Variants in PTPRR observed in about 807,000 individuals in gnomAD.
PTPRR encodes receptor-type tyrosine-protein phosphatase R.
A neutral mutation model predicts 77.2 loss-of-function variants in PTPRR; 38 were observed. The ratio of observed to expected loss-of-function variants is 0.49; its 90% CI spans 0.38 to 0.65. The LOEUF (loss-of-function observed/expected upper bound fraction) is 0.65, where lower values mean the gene tolerates loss of function less well. PTPRR is among the 30% of genes least tolerant of loss of function. The pLI is 0.00. For synonymous variants in PTPRR, 299 were observed against 283.1 expected (o/e 1.06, Z -0.57); for missense variants, 744 against 799.2 (o/e 0.93, Z 0.83).
At chr12:70,909,315 C>G (rs1049928129) in intron 1 of PTPRR, among the ~76,000 whole-genome samples, 1 of 152,194 alleles carries the variant, frequency 6.6e-6, no homozygotes, top group Non-Finnish European at 1.5e-5. Flanking sequence ...CCCCACCACA[C>G]ACACATCAAA....
chr12:70,705,381 A>C (rs889505939), intron 6 of PTPRR, among the ~76,000 whole-genome samples: 44 of 152,192 alleles, frequency 2.9e-4, no homozygotes, highest in African/African-American at 8.9e-4. Context: ...GAAAGGGCTA[A>C]AATTTCTAGT....
chr12:70,698,454 T>A, intron 7 of PTPRR, 105 bp from the exon 8 acceptor site: 1 of 885,256 alleles, frequency 1.1e-6, no homozygotes, highest in Non-Finnish European at 1.8e-6. Context: ...CAAAGCCACT[T>A]AAAAACAACA....
chr12:70,882,441 C>T (rs1893165198), intron 2 of PTPRR, among the ~76,000 whole-genome samples: 1 of 152,124 alleles, frequency 6.6e-6, no homozygotes, highest in Admixed American at 6.6e-5. Flanking sequence ...ACTAAAACAT[C>T]ACCAGGAGAC....
intron 6 of PTPRR, among the ~76,000 whole-genome samples, chr12:70,713,020 C>T (rs1888887754): frequency 6.6e-6 from 1 of 152,120 alleles, no homozygotes; most frequent in South Asian, 2.1e-4. Context: ...AAAAAATTCT[C>T]CCTGCTCACT....
intron 13 of PTPRR, among the ~76,000 whole-genome samples, chr12:70,643,134 T>G (rs569264019): frequency 9.9e-5 from 15 of 152,162 alleles, no homozygotes; most frequent in Non-Finnish European, 2.1e-4. Context: ...CAACAGAGTC[T>G]TCTTTCTTCT....
intron 2 of PTPRR, among the ~76,000 whole-genome samples, chr12:70,826,514 C>T (rs577417050): frequency 1.3e-5 from 2 of 152,220 alleles, no homozygotes; most frequent in South Asian, 2.1e-4. Flanking sequence ...CATATAGAAC[C>T]AAGAATCCAG....
chr12:70,655,640 C>T (rs1382899667), intron 13 of PTPRR, among the ~76,000 whole-genome samples: 3 of 152,180 alleles, frequency 2.0e-5, no homozygotes, highest in African/African-American at 7.2e-5. Flanking sequence ...AAGCCAGCCA[C>T]AAACAGACAA....
chr12:70,670,431 C>T (rs1421151459), intron 10 of PTPRR, among the ~76,000 whole-genome samples: 1 of 152,194 alleles, frequency 6.6e-6, no homozygotes, highest in East Asian at 1.9e-4. Flanking sequence ...CTCATTCTCT[C>T]TGAGCTTTGG....
intron 4 of PTPRR, 23 bp downstream of exon 4, chr12:70,761,448 A>T (rs760046623): frequency 1.3e-6 from 2 of 1,540,234 alleles, no homozygotes; most frequent in South Asian, 2.5e-5. Flanking sequence ...TTTTTAAATG[A>T]ATTGTTTCGT....
intron 12 of PTPRR, 64 bp downstream of exon 12, chr12:70,660,876 C>A (rs2136672823): frequency 1.4e-6 from 2 of 1,479,598 alleles, no homozygotes; most frequent in African/African-American, 2.8e-5. Flanking sequence ...CCCACTTGCA[C>A]CTGCTCTGTG....
At chr12:70,711,739 T>A (rs1888836324) in intron 6 of PTPRR, among the ~76,000 whole-genome samples, 1 of 152,146 alleles carries the variant, frequency 6.6e-6, no homozygotes, top group Non-Finnish European at 1.5e-5. Flanking sequence ...CCAAGGATTA[T>A]GTATTTTTAA....
In PTPRR at chr12:70,761,583, C is replaced by T. The variant is rs745910524; in HGVS notation, c.515G>A (p.Arg172Gln). The T allele has an allele frequency of 1.4e-5, 23 of 1,611,518 alleles. No homozygotes were observed. The highest frequency in any genetic ancestry group is 8.9e-5 in the East Asian group (4 of 44,754). The change falls in exon 4 of 14, where the codon CGA (arginine) becomes CAA (glutamine). Residue 172 changes from arginine (R) to glutamine (Q), a missense_variant. This residue lies in a region of PTPRR where 570 missense variants were observed against 573.2 expected (regional missense o/e 0.99). Coordinates refer to ENST00000283228, the MANE Select transcript of PTPRR (RefSeq NM_002849.4). ...CAGAGCATCAGAAATTCCTGTTTTTCGGTTTATGGGAGACACAAACAGTTC... is the reference window on the plus strand; with the variant it reads ...CAGAGCATCAGAAATTCCTGTTTTTTGGTTTATGGGAGACACAAACAGTTC... ...SIELFVSPINRKTGISDALPS... is the reference protein window; with the variant it reads ...SIELFVSPINQKTGISDALPS...
chr12:70,832,274 C>T (rs987333770), intron 2 of PTPRR, among the ~76,000 whole-genome samples: 49 of 152,190 alleles, frequency 3.2e-4, no homozygotes, highest in African/African-American at 1.1e-3. Flanking sequence ...GGGCCTGCTG[C>T]CCCAAAGCTC....
intron 2 of PTPRR, among the ~76,000 whole-genome samples, chr12:70,878,759 C>G (rs1309932585): frequency 6.6e-6 from 1 of 152,116 alleles, no homozygotes; most frequent in Non-Finnish European, 1.5e-5. Flanking sequence ...GGGTATATAC[C>G]CAAAGGATTA....
At chr12:70,866,605 A>G (rs923420323) in intron 2 of PTPRR, among the ~76,000 whole-genome samples, 21 of 152,340 alleles carry the variant, frequency 1.4e-4, no homozygotes, top group Non-Finnish European at 2.5e-4. Context: ...CCAAAGGTAC[A>G]AGGAGGAACT....
intron 2 of PTPRR, among the ~76,000 whole-genome samples, chr12:70,786,678 T>A (rs370293603): frequency 1.3e-5 from 2 of 152,208 alleles, no homozygotes; most frequent in African/African-American, 4.8e-5. Flanking sequence ...TTTCCTTTCA[T>A]TTTTATTCCC....
intron 6 of PTPRR, among the ~76,000 whole-genome samples, 181 bp from the exon 7 acceptor site, chr12:70,701,504 T>C (rs921444799): frequency 9.2e-5 from 14 of 152,146 alleles, no homozygotes; most frequent in Non-Finnish European, 1.9e-4. Flanking sequence ...CACAGGAAAA[T>C]AACAATTTTG....
chr12:70,841,160 G>T (rs1048635363), intron 2 of PTPRR, among the ~76,000 whole-genome samples: 2 of 151,506 alleles, frequency 1.3e-5, no homozygotes. Flanking sequence ...ACTATTAGAG[G>T]CATTAGAATC....
intron 10 of PTPRR, among the ~76,000 whole-genome samples, chr12:70,674,649 C>T (rs905420039): frequency 1.1e-4 from 17 of 152,100 alleles, no homozygotes; most frequent in African/African-American, 2.9e-4. Flanking sequence ...GCTATATAGT[C>T]GTAGTTGGTC....
Sources: allele counts gnomAD v4.1 joint callset (sites outside exome capture counted in the v4.1 genomes callset), GRCh38; gene constraint gnomAD v4.1.1; regional missense constraint gnomAD v4.1.1; transcripts MANE v1.5; gene names NCBI Gene and HGNC (gene_info 2026-07-23, HGNC 2026-07-21).